Variants in PGCKA1 observed in about 807,000 individuals in gnomAD.
The protein encoded by PGCKA1 is PDCD10 and GCKIII kinases associated 1.
the PGCKA1 span, among the ~76,000 whole-genome samples, chr4:37,580,245 T>G: frequency 6.6e-6 from 1 of 152,134 alleles, no homozygotes; most frequent in Non-Finnish European, 1.5e-5. Context: ...AGAAAAGTCA[T>G]ATATCTCTGT....
At chr4:37,583,441 G>GTTT in the PGCKA1 span, among the ~76,000 whole-genome samples, 70 of 146,260 alleles carry the variant, frequency 4.8e-4, 2 homozygotes, top group Admixed American at 4.2e-3. Context: ...TTTTGTTTTT[G>GTTT]TTTTTTTTTT....
chr4:37,481,788 C>T, the PGCKA1 span, among the ~76,000 whole-genome samples: 3 of 152,150 alleles, frequency 2.0e-5, no homozygotes, highest in South Asian at 2.1e-4. Flanking sequence ...TGTCGCCACC[C>T]AAATGTCATC....
At chr4:37,584,620 C>T in the PGCKA1 span, among the ~76,000 whole-genome samples, 7 of 152,246 alleles carry the variant, frequency 4.6e-5, no homozygotes, top group East Asian at 9.7e-4. Flanking sequence ...GGGCAGTTTT[C>T]GAGTACGGCT....
the PGCKA1 span, among the ~76,000 whole-genome samples, chr4:37,539,718 C>T: frequency 6.6e-6 from 1 of 152,148 alleles, no homozygotes; most frequent in African/African-American, 2.4e-5. Context: ...TTCAGCCTCT[C>T]GGACCTGCTG....
the PGCKA1 span, among the ~76,000 whole-genome samples, chr4:37,455,110 G>A: frequency 1.3e-5 from 2 of 152,182 alleles, no homozygotes; most frequent in African/African-American, 2.4e-5. Flanking sequence ...GAAAAGAAGA[G>A]AAGCATTTGA....
At chr4:37,567,698 C>T in the PGCKA1 span, among the ~76,000 whole-genome samples, 8 of 152,156 alleles carry the variant, frequency 5.3e-5, no homozygotes, top group South Asian at 2.1e-4. Context: ...CGACTATACG[C>T]TCTCCCAGGG....
At chr4:37,541,979 A>T in the PGCKA1 span, among the ~76,000 whole-genome samples, 1 of 152,064 alleles carries the variant, frequency 6.6e-6, no homozygotes, top group African/African-American at 2.4e-5. Context: ...TCTATACAGC[A>T]TTTTCACTTA....
the PGCKA1 span, among the ~76,000 whole-genome samples, chr4:37,572,936 T>G: frequency 1.3e-5 from 2 of 152,242 alleles, no homozygotes; most frequent in Non-Finnish European, 2.9e-5. Flanking sequence ...ACTGTGTATT[T>G]CCTAAAAACA....
the PGCKA1 span, among the ~76,000 whole-genome samples, chr4:37,490,360 A>G: frequency 6.6e-6 from 1 of 152,030 alleles, no homozygotes; most frequent in Non-Finnish European, 1.5e-5. Context: ...CCCTTCCCCT[A>G]CTTTCATATT....
the PGCKA1 span, among the ~76,000 whole-genome samples, chr4:37,521,365 C>T: frequency 1.3e-5 from 2 of 152,296 alleles, no homozygotes; most frequent in Non-Finnish European, 2.9e-5. Context: ...CACCCAGGGC[C>T]TGGGAGACCT....
At chr4:37,469,195 A>C in the PGCKA1 span, among the ~76,000 whole-genome samples, 1 of 152,138 alleles carries the variant, frequency 6.6e-6, no homozygotes, top group Admixed American at 6.6e-5. Context: ...GTATAAGTAC[A>C]CTCTGATGTT....
the PGCKA1 span, among the ~76,000 whole-genome samples, chr4:37,475,783 C>CAGTA: frequency 6.6e-6 from 1 of 151,932 alleles, no homozygotes; most frequent in Non-Finnish European, 1.5e-5. Flanking sequence ...TTCTAGTGAG[C>CAGTA]AGTAGCTTTT....
chr4:37,582,183 A>G, the PGCKA1 span, among the ~76,000 whole-genome samples: 2 of 152,236 alleles, frequency 1.3e-5, no homozygotes, highest in Non-Finnish European at 2.9e-5. Flanking sequence ...TACCCTCTTT[A>G]GTGCCTCTTT....
chr4:37,456,278 T>G, the PGCKA1 span, among the ~76,000 whole-genome samples: 1 of 152,232 alleles, frequency 6.6e-6, no homozygotes, highest in Non-Finnish European at 1.5e-5. Flanking sequence ...TTTCTTACTC[T>G]GACTGCTATT....
chr4:37,505,582 C>T, the PGCKA1 span, among the ~76,000 whole-genome samples: 2 of 152,066 alleles, frequency 1.3e-5, no homozygotes, highest in East Asian at 1.9e-4. Context: ...TGGTGGAAGG[C>T]AAGGAGGAGC....
At chr4:37,462,982 A>AAAAAAAC in the PGCKA1 span, among the ~76,000 whole-genome samples, 1 of 151,484 alleles carries the variant, frequency 6.6e-6, no homozygotes. Flanking sequence ...AAAAAAAAAA[A>AAAAAAAC]AAGTCCGTAG....
the PGCKA1 span, among the ~76,000 whole-genome samples, chr4:37,523,077 A>G: frequency 6.6e-6 from 1 of 152,136 alleles, no homozygotes; most frequent in Non-Finnish European, 1.5e-5. Context: ...CTTATGGCCT[A>G]GCCTGCCTTT....
the PGCKA1 span, among the ~76,000 whole-genome samples, chr4:37,547,558 C>T: frequency 6.6e-6 from 1 of 152,086 alleles, no homozygotes; most frequent in African/African-American, 2.4e-5. Flanking sequence ...ATAGACTGGC[C>T]AGCATTAGAG....
At chr4:37,494,809 A>G in the PGCKA1 span, among the ~76,000 whole-genome samples, 162 of 152,192 alleles carry the variant, frequency 1.1e-3, no homozygotes, top group Admixed American at 2.2e-3. Context: ...ACTTTTAATA[A>G]TAGCCATTCT....
Sources: allele counts gnomAD v4.1 joint callset (sites outside exome capture counted in the v4.1 genomes callset), GRCh38; gene constraint gnomAD v4.1.1; transcripts MANE v1.5; gene names NCBI Gene and HGNC (gene_info 2026-07-23, HGNC 2026-07-21).